Variants in TIAM1 observed in about 807,000 individuals in gnomAD.
TIAM1 encodes the protein TIAM Rac1 associated GEF 1, also known as rho guanine nucleotide exchange factor TIAM1.
In TIAM1, 65 loss-of-function variants were observed where a neutral mutation model predicts 163.5. The ratio of observed to expected loss-of-function variants is 0.40; its 90% CI spans 0.33 to 0.49. TIAM1 has a LOEUF of 0.49. TIAM1 is among the 20% of genes least tolerant of loss of function. The pLI is 0.77. For missense variants in TIAM1, 1,789 were observed against 2,044.7 expected, an observed-to-expected ratio of 0.87 and a Z score of 2.41; for synonymous variants, 833 against 810.1, an observed-to-expected ratio of 1.03 and a Z score of -0.48.
chr21:31,437,752 T>C (rs148028617), intron 2 of TIAM1, among the ~76,000 whole-genome samples: 312 of 152,098 alleles, frequency 2.1e-3, no homozygotes, highest in African/African-American at 6.8e-3. Context: ...CACGTAAGAG[T>C]TGCCTGCTTC....
chr21:31,361,837 T>TTAGATATATAGA (rs1555955734), intron 2 of TIAM1, among the ~76,000 whole-genome samples: 1 of 147,596 alleles, frequency 6.8e-6, no homozygotes, highest in Admixed American at 6.8e-5. Flanking sequence ...GGAAGAAAGA[T>TTAGATATATAGA]TAGATAGATA....
At chr21:31,195,423 AATCTT>A (rs2085797550) in intron 12 of TIAM1, 118 bp from the exon 13 acceptor site, 4 of 710,098 alleles carry the variant, frequency 5.6e-6, no homozygotes, top group Non-Finnish European at 9.2e-6. Context: ...TGCACTTCAC[AATCTT>A]ATCATTAAAC....
chr21:31,230,431 T>C (rs942657068), intron 6 of TIAM1, among the ~76,000 whole-genome samples: 2 of 152,084 alleles, frequency 1.3e-5, no homozygotes, highest in African/African-American at 4.8e-5. Flanking sequence ...TTTGGTTCTG[T>C]TTTTTCCTTG....
At chr21:31,167,449 A>G (rs1210752325) in intron 15 of TIAM1, among the ~76,000 whole-genome samples, 1 of 152,152 alleles carries the variant, frequency 6.6e-6, no homozygotes, top group African/African-American at 2.4e-5. Context: ...TAAATCTACA[A>G]AACACTTAGA....
chr21:31,197,527 C>T (rs996939131), intron 12 of TIAM1, among the ~76,000 whole-genome samples: 1 of 143,804 alleles, frequency 7.0e-6, no homozygotes, highest in Non-Finnish European at 1.5e-5. Context: ...AGGCGCCCGC[C>T]ACCGCGCCCG....
At chr21:31,482,060 AGTGTGTGTGTGTGTGT>A (rs10523425) in intron 1 of TIAM1, among the ~76,000 whole-genome samples, 12 of 145,710 alleles carry the variant, frequency 8.2e-5, no homozygotes, top group Admixed American at 2.7e-4. Context: ...ACTGGGACAA[AGTGTGTGTGTGTGTGT>A]GTGTGTGTGT....
chr21:31,277,917 A>G (rs1331683431), intron 2 of TIAM1, among the ~76,000 whole-genome samples: 10 of 152,212 alleles, frequency 6.6e-5, no homozygotes, highest in Non-Finnish European at 1.5e-4. Context: ...AATCAGATAA[A>G]TAAATAAATA....
intron 1 of TIAM1, among the ~76,000 whole-genome samples, chr21:31,484,055 A>G (rs1367601676): frequency 6.6e-6 from 1 of 152,168 alleles, no homozygotes; most frequent in Non-Finnish European, 1.5e-5. Flanking sequence ...ACAGACCCCA[A>G]AGAACACCCT....
In TIAM1 at chr21:31,266,587, G is replaced by A. The variant is rs2146817333; in HGVS notation, c.386C>T (p.Thr129Ile). ...ATCCCCGTAAAGCCTGCTCTCCTCA[G>A]TGTCTGGCATGCTCTGCACAGAGGC... ...TAASVQSMPDTEESRLYGDDA... is the reference protein window; with the variant it reads ...TAASVQSMPDIEESRLYGDDA... The change falls in exon 4 of 28, where the codon ACT (threonine) becomes ATT (isoleucine). Residue 129 changes from threonine to isoleucine, a missense_variant. Thr to Ile is a moderately conservative substitution (Grantham distance 89). Transcript: ENST00000541036. The A allele has an allele frequency of 6.2e-7, 1 of 1,614,230 alleles. No individual in the cohort carries two copies. Among genetic ancestry groups the A allele is most frequent in the Non-Finnish European group, 8.5e-7 (1 of 1,180,056 alleles).
intron 5 of TIAM1, among the ~76,000 whole-genome samples, chr21:31,250,808 T>C (rs2071760687): frequency 6.6e-6 from 1 of 152,204 alleles, no homozygotes; most frequent in African/African-American, 2.4e-5. Flanking sequence ...ATGTATGCAG[T>C]ACGTGCAACA....
In TIAM1 at chr21:31,154,339, G is replaced by A. The variant is rs1317461068; in HGVS notation, c.3079C>T (p.Pro1027Ser). The change falls in exon 17 of 28, where the codon CCT becomes TCT. Residue 1027 changes from proline to serine, a missense_variant. This residue lies in a region of TIAM1 where 303 missense variants were observed against 321.3 expected (regional missense o/e 0.94). Transcript: ENST00000541036. ...QSPSPQDSTGPQLATMRQLSD... is the reference protein window; with the variant it reads ...QSPSPQDSTGSQLATMRQLSD... ...AGTTGTCTCATGGTCGCCAGCTGAG[G>A]CCCCGTGGAGTCCTGAGGAGATGGG... 2 of 1,614,138 alleles carry A rather than the reference G, an allele frequency of 1.2e-6. No individual in the cohort carries two copies. Among genetic ancestry groups the A allele is most frequent in the East Asian group, 2.2e-5 (1 of 44,868 alleles).
chr21:31,202,768 T>G, intron 12 of TIAM1, 140 bp downstream of exon 12: 1 of 753,024 alleles, frequency 1.3e-6, no homozygotes, highest in Non-Finnish European at 2.2e-6. Flanking sequence ...TAGGGCCATC[T>G]CCACCAACTT....
chr21:31,430,874 G>A (rs531039631), intron 2 of TIAM1, among the ~76,000 whole-genome samples: 5 of 152,106 alleles, frequency 3.3e-5, no homozygotes, highest in Non-Finnish European at 7.3e-5. Flanking sequence ...TTGCAAATAT[G>A]ATTACTTCAT....
chr21:31,243,700 T>C (rs1327312272), intron 6 of TIAM1, among the ~76,000 whole-genome samples: 1 of 152,160 alleles, frequency 6.6e-6, no homozygotes, highest in African/African-American at 2.4e-5. Flanking sequence ...AAGAGAATGA[T>C]ACCTAGACAC....
intron 2 of TIAM1, among the ~76,000 whole-genome samples, chr21:31,357,333 C>A (rs1321422140): frequency 1.3e-5 from 2 of 152,202 alleles, no homozygotes; most frequent in Non-Finnish European, 2.9e-5. Flanking sequence ...TTCTTCCCAT[C>A]TGATGACCTT....
intron 1 of TIAM1, among the ~76,000 whole-genome samples, chr21:31,492,057 A>G (rs936186108): frequency 4.6e-5 from 7 of 152,080 alleles, no homozygotes; most frequent in Non-Finnish European, 1.0e-4. Context: ...GTGTATATAT[A>G]TATGTGATGT....
chr21:31,225,993 G>T (rs1213909490), intron 6 of TIAM1, 43 bp from the exon 7 acceptor site: 1 of 1,565,416 alleles, frequency 6.4e-7, no homozygotes, highest in East Asian at 2.2e-5. Flanking sequence ...GCACCTCTTA[G>T]GAACTTAAGA....
chr21:31,130,994 G>A, intron 23 of TIAM1, 46 bp from the exon 24 acceptor site: 1 of 1,561,944 alleles, frequency 6.4e-7, no homozygotes, highest in East Asian at 2.2e-5. Flanking sequence ...CATGTGTAGG[G>A]TTTTCCCCTT....
At chr21:31,478,443 C>A (rs1456805721) in intron 1 of TIAM1, among the ~76,000 whole-genome samples, 2 of 152,194 alleles carry the variant, frequency 1.3e-5, no homozygotes, top group African/African-American at 4.8e-5. Context: ...CCAGAGGTAA[C>A]TGCCAATTTG....
Sources: allele counts gnomAD v4.1 joint callset (sites outside exome capture counted in the v4.1 genomes callset), GRCh38; gene constraint gnomAD v4.1.1; regional missense constraint gnomAD v4.1.1; transcripts MANE v1.5; gene names NCBI Gene and HGNC (gene_info 2026-07-23, HGNC 2026-07-21).